The following SLC38A10 variants were observed in gnomAD, a reference collection of about 807,000 sequenced individuals.
SLC38A10 encodes solute carrier family 38 member 10.
SLC38A10 carries 53 observed loss-of-function variants against 81.0 expected under a neutral mutation model. That is an observed-to-expected ratio of 0.65 (90% CI 0.53 to 0.82). The LOEUF (loss-of-function observed/expected upper bound fraction) is 0.82, where lower values mean the gene tolerates loss of function less well. SLC38A10 is among the 40% of genes least tolerant of loss of function. The probability of loss-of-function intolerance (pLI) is 0.00; values close to 1 mark genes in which losing one functional copy is unlikely to be tolerated. For synonymous variants in SLC38A10, 665 were observed against 655.3 expected (o/e 1.01, Z -0.23); for missense variants, 1,471 against 1,545.0 (o/e 0.95, Z 0.80).
In SLC38A10 at chr17:81,289,632, T is replaced by C; in HGVS notation, c.217+59A>G. The C allele has an allele frequency of 8.9e-7, 1 of 1,120,558 alleles. No individual in the cohort carries two copies. The highest frequency in any genetic ancestry group is 1.2e-6 in the Non-Finnish European group (1 of 803,530). 69.4% of individuals were successfully genotyped at this position (1,120,558 alleles called of 1,614,324 possible). A position where few individuals can be genotyped will look rare whatever the true frequency, so the allele number is the denominator to read the frequency against. ...CAAGTAGAGTAAATAAATAAATAAATAAATGGAATAAGGCCCCCGCCCCAG... is the reference window on the plus strand; with the variant it reads ...CAAGTAGAGTAAATAAATAAATAAACAAATGGAATAAGGCCCCCGCCCCAG... On this transcript the variant is annotated intron_variant, in intron 2 of 15. Transcript: ENST00000374759. This position sits in a 1 kb window ranked among gnomAD's most constrained non-coding sequence, Gnocchi z 5.9.
At chr17:81,246,818 G>A (rs2062856369) in intron 15 of SLC38A10, 67 bp downstream of exon 15, 7 of 1,519,516 alleles carry the variant, frequency 4.6e-6, no homozygotes, top group Non-Finnish European at 6.2e-6. Context: ...CTCAGACCCA[G>A]CCGCATGAGG....
At chr17:81,285,138 A>G (rs1190099507) in intron 2 of SLC38A10, 2 of 413,274 alleles carry the variant, frequency 4.8e-6, no homozygotes, top group Non-Finnish European at 8.7e-6. Context: ...TCTTTCACTC[A>G]ATCAGATTTT....
At position 81,252,605 on chromosome 17, in the gene SLC38A10, T is replaced by A; in HGVS notation, c.1535A>T (p.Gln512Leu). 6.2e-7 allele frequency: 1 copy of A among 1,613,222 alleles called. No individual in the cohort carries two copies. ...GTTCTCTTCTGGCACCTCTCGGTCTTGGCCTTCATCTACCACCACCTTGTC... is the reference window on the plus strand; with the variant it reads ...GTTCTCTTCTGGCACCTCTCGGTCTAGGCCTTCATCTACCACCACCTTGTC... ...PHDKVVVDEG[Q>L]DREVPEENKP... The change falls in exon 13 of 16, where the codon CAA (glutamine) becomes CTA (leucine). Residue 512 changes from glutamine (Q) to leucine (L), a missense_variant. Transcript: ENST00000374759.
At chr17:81,291,191 A>G (rs1031272412) in intron 1 of SLC38A10, among the ~76,000 whole-genome samples, 6 of 151,696 alleles carry the variant, frequency 4.0e-5, no homozygotes, top group African/African-American at 1.2e-4. Flanking sequence ...GCTCAAACAC[A>G]TAAGTCCGGC....
chr17:81,277,624 G>A lies in SLC38A10; in HGVS notation c.627-491C>T, dbSNP rs1219158220. 6.6e-6 allele frequency among the ~76,000 whole-genome samples: 1 copy of A among 152,256 alleles called. No individual in the cohort carries two copies. The highest frequency in any genetic ancestry group is 2.4e-5 in the African/African-American group (1 of 41,466). On this transcript the variant is annotated intron_variant, in intron 6 of 15. Coordinates refer to ENST00000374759, the MANE Select transcript of SLC38A10 (RefSeq NM_001037984.3). This position sits in a 1 kb window ranked among gnomAD's most constrained non-coding sequence, Gnocchi z 4.5. ...GCCTGGGGCGCGATTCCCCACTGCA[G>A]CCTCTCACTTGTGTGATGAGAAAAC...
chr17:81,280,266 A>T, intron 6 of SLC38A10: 1 of 449,410 alleles, frequency 2.2e-6, no homozygotes, highest in Middle Eastern at 3.4e-4. Flanking sequence ...AAATATTCTC[A>T]GAACAGCTAA....
intron 14 of SLC38A10, among the ~76,000 whole-genome samples, chr17:81,248,444 C>T (rs1048849382): frequency 1.7e-4 from 26 of 152,332 alleles, no homozygotes; most frequent in African/African-American, 5.8e-4. Context: ...CAGGCCTGCC[C>T]GGGTTACGGC....
chr17:81,289,403 C>T lies in SLC38A10; in HGVS notation c.217+288G>A, dbSNP rs1216190954. 6.6e-6 allele frequency among the ~76,000 whole-genome samples: 1 copy of T among 151,516 alleles called. No individual in the cohort carries two copies. Among genetic ancestry groups the T allele is most frequent in the Non-Finnish European group, 1.5e-5 (1 of 67,958 alleles). On this transcript the variant is annotated intron_variant, in intron 2 of 15. Coordinates refer to ENST00000374759, the MANE Select transcript of SLC38A10 (RefSeq NM_001037984.3). This position sits in a 1 kb window ranked among gnomAD's most constrained non-coding sequence, Gnocchi z 5.9. ...TTTTAATTCTTTTGAGACAGGGTCT[C>T]GCTCTGTCACCCAGGCTGGAATACA...
chr17:81,245,471 A>C lies in SLC38A10; in HGVS notation c.*85T>G. 2.7e-6 allele frequency: 4 copies of C among 1,481,624 alleles called. No homozygotes were observed. The highest frequency in any genetic ancestry group is 2.7e-5 in the South Asian group (2 of 74,818). The allele number at this position is 1,481,624 out of a possible 1,614,324, so 91.8% of individuals were successfully genotyped here. ...CTGGGGAGAGGCGAGTGTGACCTCC[A>C]GAGTTTGGCTGGGATGCGGCTGAGA... is the stretch of plus-strand genomic sequence containing the variant. On this transcript the variant is annotated 3_prime_UTR_variant, in exon 16 of 16. Transcript: ENST00000374759.
At position 81,290,281 on chromosome 17, in the gene SLC38A10, G is replaced by A. The variant is rs80074267; in HGVS notation, c.100-473C>T. Among the ~76,000 whole-genome samples the A allele has an allele frequency of 3.6e-3, 541 of 152,298 alleles. 2 individuals carry two copies. The highest frequency in any genetic ancestry group is 0.011 in the African/African-American group (442 of 41,542). ...TAGGTATTCACTTACCAAGAGGAAT[G>A]AAAACGTGTTCATGAAAAACCTGTA... is the stretch of plus-strand genomic sequence containing the variant. On this transcript the variant is annotated intron_variant, in intron 1 of 15. Transcript: ENST00000374759.
Position 81,253,934 on chromosome 17 carries a change from T to A in SLC38A10, c.1289-694A>T, listed in dbSNP as rs897075317. 2.4e-4 allele frequency among the ~76,000 whole-genome samples: 37 copies of A among 151,066 alleles called. No homozygotes were observed. The highest frequency in any genetic ancestry group is 8.5e-4 in the African/African-American group (35 of 40,944). ...ACTGCCAACCCTACCATCATTGCCA[T>A]CACCTCCATTATCGTCATCACCACC... On this transcript the variant is annotated intron_variant, in intron 11 of 15. Transcript: ENST00000374759. The surrounding 1 kb of genome is among the most constrained non-coding windows in gnomAD (Gnocchi z 4.1).
chr17:81,244,947 G>A lies in SLC38A10; in HGVS notation c.*609C>T, dbSNP rs185868090. 1.0e-3 allele frequency: 171 copies of A among 164,740 alleles called. No individual in the cohort carries two copies. Among genetic ancestry groups the A allele is most frequent in the Non-Finnish European group, 9.5e-4 (72 of 76,104 alleles). The allele number at this position is 164,740 out of a possible 1,614,324, so 10.2% of individuals were successfully genotyped here. A position where few individuals can be genotyped will look rare whatever the true frequency, so the allele number is the denominator to read the frequency against. On this transcript the variant is annotated 3_prime_UTR_variant, in exon 16 of 16. Coordinates refer to ENST00000374759, the MANE Select transcript of SLC38A10 (RefSeq NM_001037984.3). ...GCCAGTGCCCCTGGACACCCGGCTT[G>A]TCTGGCCCCTGCTCCCTGTGCTTCC...
intron 10 of SLC38A10, among the ~76,000 whole-genome samples, chr17:81,266,054 C>A (rs1054325346): frequency 6.6e-6 from 1 of 152,162 alleles, no homozygotes; most frequent in Non-Finnish European, 1.5e-5. Flanking sequence ...AGTCAAAAGC[C>A]GACACTGGGC....
rs2063016495 is a variant in SLC38A10 at position 81,260,847 on chromosome 17, A to C, written c.1132-453T>G. Among the ~76,000 whole-genome samples the C allele has an allele frequency of 1.3e-5, 2 of 152,210 alleles. 1 individual carries two copies. The highest frequency in any genetic ancestry group is 4.1e-4 in the South Asian group (2 of 4,836). ...GAGCACTGCCCAACCTGCCTGGGAG[A>C]GGAACAGGAACCTCCAGGCAGACTT... On this transcript the variant is annotated intron_variant, in intron 10 of 15. Transcript: ENST00000374759.
At position 81,294,952 on chromosome 17, in the gene SLC38A10, G is replaced by A; in HGVS notation, c.-31C>T. ...GAGGTCTAGGGGCCCGGGGCGAGAG[G>A]CCTCGGGGGTCGCCGGGCTGCGGCC... On this transcript the variant is annotated 5_prime_UTR_variant, in exon 1 of 16. Transcript: ENST00000374759. The A allele has an allele frequency of 6.5e-7, 1 of 1,546,648 alleles. No individual in the cohort carries two copies. Among genetic ancestry groups the A allele is most frequent in the South Asian group, 1.2e-5 (1 of 84,262 alleles).
At chr17:81,269,690 C>T (rs1027277286) in intron 10 of SLC38A10, among the ~76,000 whole-genome samples, 3 of 151,862 alleles carry the variant, frequency 2.0e-5, no homozygotes, top group Non-Finnish European at 2.9e-5. Flanking sequence ...TTTGTAAAAA[C>T]TTATCAGGTT....
Position 81,289,668 on chromosome 17 carries a change from A to AC in SLC38A10, c.217+22dup. On this transcript the variant is annotated intron_variant, in intron 2 of 15. Coordinates refer to ENST00000374759, the MANE Select transcript of SLC38A10 (RefSeq NM_001037984.3). The surrounding 1 kb of genome is among the most constrained non-coding windows in gnomAD (Gnocchi z 5.9). Reference sequence around the variant, plus strand: ...AGGCCCCCGCCCCAGGTCCAGAGCCACCTTGTGGAGAGGGCGCCTCACCCA... The same window carrying AC: ...AGGCCCCCGCCCCAGGTCCAGAGCCACCCTTGTGGAGAGGGCGCCTCACCCA... 6.3e-7 allele frequency: 1 copy of AC among 1,578,328 alleles called. No homozygotes were observed. The highest frequency in any genetic ancestry group is 8.6e-7 in the Non-Finnish European group (1 of 1,159,258).
At chr17:81,257,804 G>A (rs939010805) in intron 11 of SLC38A10, among the ~76,000 whole-genome samples, 2 of 152,368 alleles carry the variant, frequency 1.3e-5, no homozygotes, top group Admixed American at 6.5e-5. Flanking sequence ...TGCCTGCCCC[G>A]CTGGGGGAGC....
At position 81,276,935 on chromosome 17, in the gene SLC38A10, C is replaced by T; in HGVS notation, c.729+96G>A. 1 of 1,267,782 alleles carries T rather than the reference C, an allele frequency of 7.9e-7. No homozygotes were observed. Among genetic ancestry groups the T allele is most frequent in the African/African-American group, 1.5e-5 (1 of 67,988 alleles). The allele number at this position is 1,267,782 out of a possible 1,614,324, so 78.5% of individuals were successfully genotyped here. A position where few individuals can be genotyped will look rare whatever the true frequency, so the allele number is the denominator to read the frequency against. Reference sequence around the variant, plus strand: ...ACAGAGAGAAAAACCCAGCAGCACACAGGGCCAGGGCCATGCCTGTGGCAG... The same window carrying T: ...ACAGAGAGAAAAACCCAGCAGCACATAGGGCCAGGGCCATGCCTGTGGCAG... On this transcript the variant is annotated intron_variant, in intron 7 of 15. Transcript: ENST00000374759. The surrounding 1 kb of genome is among the most constrained non-coding windows in gnomAD (Gnocchi z 4.7).
Sources: gnomAD v4.1 joint callset for allele counts (sites outside exome capture counted in the v4.1 genomes callset) on GRCh38, gnomAD v4.1.1 for gene constraint, Gnocchi (gnomAD v3.1) non-coding constraint, MANE v1.5 for transcripts, NCBI Gene and HGNC (gene_info 2026-07-23, HGNC 2026-07-21) for gene names.